The following DSTN variants were observed in gnomAD, a reference collection of about 807,000 sequenced individuals.
DSTN encodes destrin.
Under a neutral mutation model 16.8 loss-of-function variants are expected in DSTN, and 10 were observed. That is an observed-to-expected ratio of 0.60 (90% CI 0.37 to 1.01). The LOEUF (loss-of-function observed/expected upper bound fraction) is 1.01, where lower values mean the gene tolerates loss of function less well. Ranked by LOEUF, DSTN falls within the 50% of genes least tolerant of loss-of-function variation. DSTN has a pLI of 0.01. For synonymous variants in DSTN, 57 were observed against 58.9 expected (o/e 0.97, Z 0.14); for missense variants, 141 against 196.7 (o/e 0.72, Z 1.69).
intron 2 of DSTN, among the ~76,000 whole-genome samples, chr20:17,601,897 T>C (rs1280395464): frequency 6.6e-6 from 1 of 152,134 alleles, no homozygotes; most frequent in Non-Finnish European, 1.5e-5. Flanking sequence ...ATTCTTTAGT[T>C]TCTAAGGGGA....
intron 1 of DSTN, among the ~76,000 whole-genome samples, chr20:17,600,130 TTATAGCAG>T (rs1189617153): frequency 6.6e-6 from 1 of 152,228 alleles, no homozygotes; most frequent in East Asian, 1.9e-4. Context: ...ACCCTCTTTA[TTATAGCAG>T]TAGACATTTT....
intron 1 of DSTN, among the ~76,000 whole-genome samples, chr20:17,584,978 GTTTT>G (rs1270204239): frequency 6.6e-6 from 1 of 152,054 alleles, no homozygotes; most frequent in East Asian, 1.9e-4. Flanking sequence ...TGGGCTGTCT[GTTTT>G]TTTAGTATTA....
At chr20:17,605,872 A>T (rs1033744451) in intron 3 of DSTN, among the ~76,000 whole-genome samples, 1 of 151,150 alleles carries the variant, frequency 6.6e-6, no homozygotes, top group African/African-American at 2.4e-5. Flanking sequence ...GGAGGCTAAG[A>T]CAGGTGGATC....
chr20:17,583,189 G>A (rs74616310), intron 1 of DSTN, among the ~76,000 whole-genome samples: 6,891 of 152,276 alleles, frequency 0.045, 213 homozygotes, highest in Middle Eastern at 0.062. Context: ...AAAGATTATT[G>A]TAGCAAATGT....
rs923689017 is a variant in DSTN, at chr20:17,607,290, G to C, written c.*144G>C. On this transcript the variant is annotated 3_prime_UTR_variant, in exon 4 of 4. Coordinates refer to ENST00000246069, the MANE Select transcript of DSTN (RefSeq NM_006870.4). ...AGAGTAAACTATTCTATAAACATAT[G>C]CAAACAGCCCTAAATAAATCTAAAG... The C allele has an allele frequency of 5.1e-6, 3 of 590,692 alleles. No individual in the cohort carries two copies. Among genetic ancestry groups the C allele is most frequent in the Non-Finnish European group, 8.3e-6 (3 of 360,118 alleles). 36.6% of individuals were successfully genotyped at this position (590,692 alleles called of 1,614,324 possible). A position where few individuals can be genotyped will look rare whatever the true frequency, so the allele number is the denominator to read the frequency against.
In DSTN at chr20:17,607,650, G is replaced by A. The variant is rs1292546029; in HGVS notation, c.*504G>A. ...TAAGTTAGGCAGTCTTCTACCAAATGTGTAATGGAGATTGCCTCAAAATTG... is the reference window on the plus strand; with the variant it reads ...TAAGTTAGGCAGTCTTCTACCAAATATGTAATGGAGATTGCCTCAAAATTG... On this transcript the variant is annotated 3_prime_UTR_variant, in exon 4 of 4. Coordinates refer to ENST00000246069, the MANE Select transcript of DSTN (RefSeq NM_006870.4). 6.6e-6 allele frequency: 1 copy of A among 152,336 alleles called. No individual in the cohort carries two copies. The highest frequency in any genetic ancestry group is 2.4e-5 in the African/African-American group (1 of 41,430). 9.4% of individuals were successfully genotyped at this position (152,336 alleles called of 1,614,324 possible).
chr20:17,591,962 G>A (rs759984435), intron 1 of DSTN: 35 of 985,298 alleles, frequency 3.6e-5, no homozygotes, highest in Non-Finnish European at 4.0e-5. Context: ...AGGCAAAGAC[G>A]TAAGAGAGCT....
At chr20:17,575,524 C>T (rs6075223) in intron 1 of DSTN, among the ~76,000 whole-genome samples, 4,076 of 150,158 alleles carry the variant, frequency 0.027, 68 homozygotes, top group South Asian at 0.037. Flanking sequence ...AGTGCAGGGG[C>T]GTGAACACAA....
In DSTN at chr20:17,587,934, G is replaced by A. The variant is rs186678563; in HGVS notation, c.4-12804G>A. ...GTATTCAGTAGCCACACTTGGTAGT[G>A]ATTACCATATTAGACAGTGCAGAAA... On this transcript the variant is annotated intron_variant, in intron 1 of 3. Coordinates refer to ENST00000246069, the MANE Select transcript of DSTN (RefSeq NM_006870.4). 1.6e-3 allele frequency among the ~76,000 whole-genome samples: 241 copies of A among 152,274 alleles called. 2 individuals are homozygous for A. The highest frequency in any genetic ancestry group is 3.5e-3 in the South Asian group (17 of 4,826).
intron 1 of DSTN, among the ~76,000 whole-genome samples, chr20:17,588,314 TG>T (rs2035433195): frequency 2.0e-5 from 3 of 152,242 alleles, no homozygotes; most frequent in Admixed American, 6.5e-5. Flanking sequence ...ACTTAACCAA[TG>T]TACACTTTAC....
At position 17,607,285 on chromosome 20, in the gene DSTN, CAT is replaced by C; in HGVS notation, c.*142_*143del. 3.3e-6 allele frequency: 2 copies of C among 606,708 alleles called. No individual in the cohort carries two copies. Among genetic ancestry groups the C allele is most frequent in the Non-Finnish European group, 5.4e-6 (2 of 371,760 alleles). 37.6% of individuals were successfully genotyped at this position (606,708 alleles called of 1,614,324 possible). On this transcript the variant is annotated 3_prime_UTR_variant, in exon 4 of 4. Coordinates refer to ENST00000246069, the MANE Select transcript of DSTN (RefSeq NM_006870.4). ...CTTTTAGAGTAAACTATTCTATAAA[CAT>C]ATGCAAACAGCCCTAAATAAATCTA...
rs1193006909 is a variant in DSTN, at chr20:17,608,179, C to T, written c.*1033C>T. On this transcript the variant is annotated 3_prime_UTR_variant, in exon 4 of 4. Coordinates refer to ENST00000246069, the MANE Select transcript of DSTN (RefSeq NM_006870.4). The stretch of plus-strand genomic sequence containing the variant: ...ACACTTTGAACGATATAGAGATGCA[C>T]AAACAGTTGAACTTAGAAGTAGCAG... 6.6e-6 allele frequency: 1 copy of T among 152,142 alleles called. No homozygotes were observed. Among genetic ancestry groups the T allele is most frequent in the East Asian group, 1.9e-4 (1 of 5,202 alleles). 9.4% of individuals were successfully genotyped at this position (152,142 alleles called of 1,614,324 possible).
chr20:17,603,861 C>T (rs984201677), intron 2 of DSTN, among the ~76,000 whole-genome samples: 1 of 152,036 alleles, frequency 6.6e-6, no homozygotes, highest in African/African-American at 2.4e-5. Context: ...AACGTGGATG[C>T]CCAGATCTGT....
At chr20:17,572,975 T>C (rs1313037087) in intron 1 of DSTN, among the ~76,000 whole-genome samples, 2 of 152,196 alleles carry the variant, frequency 1.3e-5, no homozygotes, top group African/African-American at 4.8e-5. Context: ...AGACATAATA[T>C]CCTGGCTGGT....
intron 3 of DSTN, among the ~76,000 whole-genome samples, chr20:17,606,491 A>C (rs986116486): frequency 6.6e-6 from 1 of 152,214 alleles, no homozygotes; most frequent in East Asian, 1.9e-4. Context: ...ATCAAAAATC[A>C]TTTGTATTTT....
chr20:17,580,748 C>CAA (rs201810572), intron 1 of DSTN, among the ~76,000 whole-genome samples: 14 of 110,208 alleles, frequency 1.3e-4, no homozygotes, highest in African/African-American at 2.9e-4. Flanking sequence ...AACTCCGTCT[C>CAA]AAAAAAAAAA....
chr20:17,592,007 G>A (rs2035475149), intron 1 of DSTN: 6 of 985,472 alleles, frequency 6.1e-6, no homozygotes, highest in African/African-American at 1.7e-5. Context: ...CAGGCACTAC[G>A]AGAATGGAGT....
intron 1 of DSTN, chr20:17,576,343 C>T (rs920819788): frequency 3.9e-5 from 6 of 155,154 alleles, no homozygotes; most frequent in African/African-American, 7.2e-5. Context: ...GACCGGTTCT[C>T]CTCTATCAGG....
intron 1 of DSTN, among the ~76,000 whole-genome samples, chr20:17,577,962 A>C (rs1428950460): frequency 1.3e-5 from 2 of 152,236 alleles, no homozygotes; most frequent in African/African-American, 4.8e-5. Flanking sequence ...AATTAAATGA[A>C]AATACAGTTC....
Sources: allele counts gnomAD v4.1 joint callset (sites outside exome capture counted in the v4.1 genomes callset), GRCh38; gene constraint gnomAD v4.1.1; transcripts MANE v1.5; gene names NCBI Gene and HGNC (gene_info 2026-07-23, HGNC 2026-07-21).